TMPRSS2: variants seen among roughly 807,000 people sequenced by gnomAD.
The protein encoded by TMPRSS2 is transmembrane serine protease 2, also known as transmembrane protease serine 2.
Under a neutral mutation model 67.4 loss-of-function variants are expected in TMPRSS2, and 59 were observed. That is an observed-to-expected ratio of 0.88 (90% confidence interval 0.71 to 1.09). The LOEUF (loss-of-function observed/expected upper bound fraction) is 1.09. Ranked by LOEUF, TMPRSS2 falls within the 50% of genes least tolerant of loss-of-function variation. TMPRSS2 has a pLI of 0.00. For synonymous variants in TMPRSS2, 257 were observed against 257.0 expected, an observed-to-expected ratio of 1.00 and a Z score of 0.00; for missense variants, 668 against 642.7, an observed-to-expected ratio of 1.04 and a Z score of -0.43.
In TMPRSS2 at chr21:41,473,427, G is replaced by A. The variant is rs776450836; in HGVS notation, c.797C>T (p.Ala266Val). 3 of 1,610,140 alleles carry A rather than the reference G, an allele frequency of 1.9e-6. No individual in the cohort carries two copies. The highest frequency in any genetic ancestry group is 2.5e-6 in the Non-Finnish European group (3 of 1,179,076). Reference protein sequence around the residue: ...IVGGESALPGAWPWQVSLHVQ... With the variant: ...IVGGESALPGVWPWQVSLHVQ... ...GTGCAGGCTGACCTGCCAGGGCCAG[G>A]CCCCCGGGAGCGCGCTCTCGCCGCC... is the stretch of plus-strand genomic sequence containing the variant. Residue 266 changes from alanine (A) to valine (V), a missense_variant, in exon 9 of 14, where the codon GCC becomes GTC. Ala to Val is a moderately conservative substitution (Grantham distance 64). Coordinates refer to ENST00000332149, the MANE Select transcript of TMPRSS2 (RefSeq NM_005656.4).
At chr21:41,472,551 G>T (rs2091143870) in intron 9 of TMPRSS2, among the ~76,000 whole-genome samples, 1 of 152,126 alleles carries the variant, frequency 6.6e-6, no homozygotes, top group South Asian at 2.1e-4. Context: ...GGGGTGTGAA[G>T]AGGGGGAGAG....
chr21:41,490,966 G>A (rs2091330946), intron 3 of TMPRSS2, among the ~76,000 whole-genome samples: 1 of 152,142 alleles, frequency 6.6e-6, no homozygotes, highest in Non-Finnish European at 1.5e-5. Flanking sequence ...CTGCCAGGGC[G>A]ATAAGCTCAG....
At chr21:41,496,255 A>G (rs746380868) in intron 2 of TMPRSS2, among the ~76,000 whole-genome samples, 2 of 152,210 alleles carry the variant, frequency 1.3e-5, no homozygotes, top group Non-Finnish European at 2.9e-5. Context: ...GAGTGAAGAA[A>G]TGTTCCTAAA....
intron 2 of TMPRSS2, 49 bp downstream of exon 2, chr21:41,498,070 G>A (rs372217917): frequency 5.4e-5 from 75 of 1,386,896 alleles, no homozygotes; most frequent in Non-Finnish European, 7.5e-5. Context: ...ATAACAGAAG[G>A]GACAAGGGAA....
At chr21:41,503,228 T>C (rs1027163098) in intron 1 of TMPRSS2, among the ~76,000 whole-genome samples, 1 of 152,160 alleles carries the variant, frequency 6.6e-6, no homozygotes, top group Non-Finnish European at 1.5e-5. Context: ...GTCAGGACAG[T>C]GGGTGACCTC....
chr21:41,501,801 T>G (rs545494331), intron 1 of TMPRSS2, among the ~76,000 whole-genome samples: 1 of 152,154 alleles, frequency 6.6e-6, no homozygotes, highest in Non-Finnish European at 1.5e-5. Flanking sequence ...CACAAGCTTG[T>G]ACATCGCATT....
intron 5 of TMPRSS2, among the ~76,000 whole-genome samples, chr21:41,485,517 C>T (rs4816720): frequency 0.91 from 137,539 of 151,970 alleles, 63,030 homozygotes; most frequent in Non-Finnish European, 0.98. Context: ...GGTGTGGTGG[C>T]GAGCACCTGT....
intron 3 of TMPRSS2, 46 bp downstream of exon 3, chr21:41,494,310 G>T (rs760130899): frequency 6.2e-7 from 1 of 1,601,850 alleles, no homozygotes; most frequent in East Asian, 2.3e-5. Flanking sequence ...AGGTAGACCC[G>T]GGACCCCGGG....
In TMPRSS2 at chr21:41,483,243, C is replaced by T. The variant is rs936765247; in HGVS notation, c.446-2641G>A. Among the ~76,000 whole-genome samples the T allele has an allele frequency of 2.3e-4, 35 of 152,072 alleles. 1 individual carries two copies. The highest frequency in any genetic ancestry group is 3.2e-3 in the Middle Eastern group (1 of 312). ...CATTTTCTGTAAACCTAAAACCGCT[C>T]TAAAATATAAAGTCTGTTCACTTTT... On this transcript the variant is annotated intron_variant, in intron 5 of 13. Coordinates refer to ENST00000332149, the MANE Select transcript of TMPRSS2 (RefSeq NM_005656.4).
In TMPRSS2 at chr21:41,473,421, G is replaced by A; in HGVS notation, c.803C>T (p.Pro268Leu). The A allele has an allele frequency of 6.2e-7, 1 of 1,610,280 alleles. No individual in the cohort carries two copies. The highest frequency in any genetic ancestry group is 8.5e-7 in the Non-Finnish European group (1 of 1,179,176). ...GGESALPGAWPWQVSLHVQNV... is the reference protein window; with the variant it reads ...GGESALPGAWLWQVSLHVQNV... ...CTGGACGTGCAGGCTGACCTGCCAG[G>A]GCCAGGCCCCCGGGAGCGCGCTCTC... The change falls in exon 9 of 14, where the codon CCC (proline) becomes CTC (leucine). Residue 268 changes from proline (P) to leucine (L), a missense_variant. Pro to Leu is a moderately conservative substitution (Grantham distance 98). Coordinates refer to ENST00000332149, the MANE Select transcript of TMPRSS2 (RefSeq NM_005656.4).
chr21:41,472,066 C>A, intron 9 of TMPRSS2, 85 bp from the exon 10 acceptor site: 1 of 1,352,116 alleles, frequency 7.4e-7, no homozygotes, highest in Non-Finnish European at 1.0e-6. Context: ...AAGCTGGAGG[C>A]AAGACACCCA....
chr21:41,467,728 A>G lies in TMPRSS2; in HGVS notation c.1467+6T>C. ...AACACAGTCAGAAGGAGGACAGGAT[A>G]GTTACCCTCATTTGTCGATAAATCC... On this transcript the variant is annotated splice_donor_region_variant and intron_variant, in intron 13 of 13. Transcript: ENST00000332149. 6.2e-7 allele frequency: 1 copy of G among 1,614,054 alleles called. No homozygotes were observed.
In TMPRSS2 at chr21:41,468,633, C is replaced by T. The variant is rs1029929053; in HGVS notation, c.1172-95G>A. The T allele has an allele frequency of 4.3e-6, 6 of 1,398,586 alleles. No homozygotes were observed. The African/African-American group carries it at 7.0e-5, about 16-fold the overall frequency. The allele number at this position is 1,398,586 out of a possible 1,614,324, so 86.6% of individuals were successfully genotyped here. A position where few individuals can be genotyped will look rare whatever the true frequency, so the allele number is the denominator to read the frequency against. On this transcript the variant is annotated intron_variant, in intron 11 of 13. Coordinates refer to ENST00000332149, the MANE Select transcript of TMPRSS2 (RefSeq NM_005656.4). ...CCCTGAGACCTCCACACGCACTACA[C>T]AGATGGTCACAGCCCTATTTTCCAG...
Position 41,478,284 on chromosome 21 carries a change from A to C in TMPRSS2, c.683+888T>G, listed in dbSNP as rs1156690979. ...GCCTCCAGGAATGCAAACCTGCCCC[A>C]GGCTCCCACTCAGAGGAAAGGTGGC... On this transcript the variant is annotated intron_variant, in intron 7 of 13. Transcript: ENST00000332149. The surrounding 1 kb of genome is among the most constrained non-coding windows in gnomAD (Gnocchi z 4.0). Among the ~76,000 whole-genome samples, 1 of 152,106 alleles carries C rather than the reference A, an allele frequency of 6.6e-6. No individual in the cohort carries two copies. The highest frequency in any genetic ancestry group is 2.4e-5 in the African/African-American group (1 of 41,432).
At chr21:41,485,485 CA>C (rs376454804) in intron 5 of TMPRSS2, among the ~76,000 whole-genome samples, 2 of 151,712 alleles carry the variant, frequency 1.3e-5, no homozygotes, top group Non-Finnish European at 2.9e-5. Flanking sequence ...CCATTTTCTA[CA>C]AAAAATACAA....
At chr21:41,473,524 G>T in intron 8 of TMPRSS2, 28 bp from the exon 9 acceptor site, 1 of 1,588,452 alleles carries the variant, frequency 6.3e-7, no homozygotes, top group Non-Finnish European at 8.6e-7. Flanking sequence ...GAGGCCAGTG[G>T]GGTGAGACCA....
chr21:41,492,890 T>G (rs1186314112), intron 3 of TMPRSS2, among the ~76,000 whole-genome samples: 12 of 152,074 alleles, frequency 7.9e-5, no homozygotes, highest in Non-Finnish European at 1.2e-4. Context: ...CTTAGGGGGG[T>G]AGCTCACACA....
intron 13 of TMPRSS2, among the ~76,000 whole-genome samples, 199 bp from the exon 14 acceptor site, chr21:41,466,352 G>A (rs73372161): frequency 0.04 from 6,077 of 152,298 alleles, 374 homozygotes; most frequent in African/African-American, 0.13. Context: ...GGAAGGAGCG[G>A]GCAGCGGATG....
chr21:41,499,204 A>G (rs389001), intron 1 of TMPRSS2, among the ~76,000 whole-genome samples: 18,219 of 152,234 alleles, frequency 0.12, 2,036 homozygotes, highest in East Asian at 0.31. Context: ...CACTGCTAAG[A>G]TTAGCAGTAA....
Sources: allele counts gnomAD v4.1 joint callset (sites outside exome capture counted in the v4.1 genomes callset), GRCh38; gene constraint gnomAD v4.1.1; non-coding constraint Gnocchi (gnomAD v3.1); transcripts MANE v1.5; gene names NCBI Gene and HGNC (gene_info 2026-07-23, HGNC 2026-07-21).